The following ARHGEF28 variants were observed in gnomAD, a reference collection of about 807,000 sequenced individuals.
The protein encoded by ARHGEF28 is 190 kDa guanine nucleotide exchange factor.
Under a neutral mutation model 206.6 loss-of-function variants are expected in ARHGEF28, and 152 were observed. That is an observed-to-expected ratio of 0.74 (90% CI 0.64 to 0.84). The LOEUF is 0.84. Among genes scored for constraint, ARHGEF28 ranks in the 40% least tolerant of loss-of-function variants. The probability of loss-of-function intolerance (pLI) is 0.00; values close to 1 mark genes in which losing one functional copy is unlikely to be tolerated. For missense variants in ARHGEF28, 2,028 were observed against 2,073.2 expected, an observed-to-expected ratio of 0.98 and a Z score of 0.42; for synonymous variants, 763 against 776.4, an observed-to-expected ratio of 0.98 and a Z score of 0.29.
intron 2 of ARHGEF28, among the ~76,000 whole-genome samples, chr5:73,725,194 A>G (rs1440936484): frequency 6.6e-6 from 1 of 152,196 alleles, no homozygotes; most frequent in Non-Finnish European, 1.5e-5. Context: ...ATAACTTCTG[A>G]TAATACCTAA....
At chr5:73,626,785 A>T (rs556557496) in intron 1 of ARHGEF28, among the ~76,000 whole-genome samples, 1 of 152,242 alleles carries the variant, frequency 6.6e-6, no homozygotes, top group Admixed American at 6.5e-5. Context: ...ACGCAAGCTC[A>T]GGACACACGC....
chr5:73,868,605 G>A (rs1346140680), intron 20 of ARHGEF28, among the ~76,000 whole-genome samples: 1 of 152,108 alleles, frequency 6.6e-6, no homozygotes, highest in East Asian at 1.9e-4. Flanking sequence ...GGTCTTCTTT[G>A]GATCTCTGAG....
chr5:73,676,711 T>A (rs996321753), intron 1 of ARHGEF28, among the ~76,000 whole-genome samples: 1 of 152,246 alleles, frequency 6.6e-6, no homozygotes, highest in African/African-American at 2.4e-5. Flanking sequence ...TTAATGGGTC[T>A]CTGCCACATT....
At chr5:73,892,450 C>T (rs890771255) in intron 27 of ARHGEF28, among the ~76,000 whole-genome samples, 1 of 152,158 alleles carries the variant, frequency 6.6e-6, no homozygotes, top group Non-Finnish European at 1.5e-5. Context: ...CCCTGCCGGG[C>T]GTTGATGCAG....
chr5:73,926,536 A>G (rs1763820528), intron 35 of ARHGEF28, among the ~76,000 whole-genome samples: 1 of 152,058 alleles, frequency 6.6e-6, no homozygotes, highest in South Asian at 2.1e-4. Flanking sequence ...GTTTCAGCCA[A>G]ACTTGACAAC....
At chr5:73,716,742 G>A (rs1274237756) in intron 2 of ARHGEF28, among the ~76,000 whole-genome samples, 1 of 152,176 alleles carries the variant, frequency 6.6e-6, no homozygotes, top group Non-Finnish European at 1.5e-5. Flanking sequence ...CAATGATGAA[G>A]GCAATTTGAA....
intron 13 of ARHGEF28, among the ~76,000 whole-genome samples, chr5:73,849,825 T>G (rs894004775): frequency 1.3e-5 from 2 of 152,002 alleles, no homozygotes; most frequent in African/African-American, 4.8e-5. Context: ...TTTCTGTAAT[T>G]AATATGTAAT....
rs1191916144 is a variant in ARHGEF28 at position 73,773,951 on chromosome 5, C to T, written c.572C>T (p.Ala191Val). Residue 191 changes from alanine to valine, a missense_variant, in exon 5 of 36, where the codon GCC (alanine) becomes GTC (valine). By Grantham distance (64) the Ala-to-Val change is moderately conservative (BLOSUM62 0). Coordinates refer to ENST00000513042, the MANE Select transcript of ARHGEF28 (RefSeq NM_001177693.2). The part of the protein sequence containing the change: ...FFLCLPGGVQ[A>V]LALPNEEGAT... ...TTGTGTCTCCCGGGGGGAGTCCAGGCCTTGGCTTTACCCAACGAAGAGGGT... is the reference window on the plus strand; with the variant it reads ...TTGTGTCTCCCGGGGGGAGTCCAGGTCTTGGCTTTACCCAACGAAGAGGGT... 3 of 1,607,394 alleles carry T rather than the reference C, an allele frequency of 1.9e-6. No homozygotes were observed. Among genetic ancestry groups the T allele is most frequent in the South Asian group, 2.2e-5 (2 of 89,246 alleles).
At chr5:73,806,952 TA>T (rs1755542161) in intron 9 of ARHGEF28, among the ~76,000 whole-genome samples, 1 of 147,998 alleles carries the variant, frequency 6.8e-6, no homozygotes, top group Non-Finnish European at 1.5e-5. Context: ...ATATATACAA[TA>T]TTAAATCTAT....
chr5:73,790,677 T>A (rs1754427274), intron 7 of ARHGEF28, among the ~76,000 whole-genome samples: 1 of 109,678 alleles, frequency 9.1e-6, no homozygotes, highest in Admixed American at 8.6e-5. Context: ...AGTCCCACTT[T>A]TAGGAAAAAA....
intron 13 of ARHGEF28, among the ~76,000 whole-genome samples, chr5:73,851,000 A>G (rs1197316064): frequency 6.6e-6 from 1 of 152,186 alleles, no homozygotes. Flanking sequence ...GATTGATACC[A>G]TTTAGGTCAG....
chr5:73,922,004 A>G (rs1174461828), intron 35 of ARHGEF28, among the ~76,000 whole-genome samples: 1 of 152,230 alleles, frequency 6.6e-6, no homozygotes, highest in Non-Finnish European at 1.5e-5. Context: ...AAACAAAAAA[A>G]CAGGAATTGC....
At chr5:73,932,796 A>ATT (rs1764196192) in intron 35 of ARHGEF28, among the ~76,000 whole-genome samples, 8 of 59,728 alleles carry the variant, frequency 1.3e-4, no homozygotes, top group East Asian at 5.7e-4. Flanking sequence ...TTTATTTCCT[A>ATT]TTTCTTTTTT....
At chr5:73,695,623 G>A (rs958761405) in intron 2 of ARHGEF28, among the ~76,000 whole-genome samples, 1 of 152,130 alleles carries the variant, frequency 6.6e-6, no homozygotes, top group Non-Finnish European at 1.5e-5. Context: ...CACTCTCCCA[G>A]GTGTCCTGCT....
rs746171825 is a variant in ARHGEF28 at position 73,897,982 on chromosome 5, G to T, written c.3862G>T (p.Val1288Leu). 14 of 1,586,532 alleles carry T rather than the reference G, an allele frequency of 8.8e-6. No individual in the cohort carries two copies. Among genetic ancestry groups the T allele is most frequent in the Non-Finnish European group, 1.0e-5 (12 of 1,165,636 alleles). The change falls in exon 30 of 36, where the codon GTG becomes TTG. Residue 1288 changes from valine to leucine, a missense_variant. Physicochemically the swap from Val to Leu is conservative, Grantham distance 32. Transcript: ENST00000513042. ...CTTAGCTGAGAGCCTACAAGTTGCA[G>T]TGAAGGCCTCACAGATGGGCGCCGT... ...LKEAESLQVA[V>L]KASQMGAVSQ...
rs35722039 is a variant in ARHGEF28, at chr5:73,804,082, C to CAAAAAAAAAAAAAAAAAAAAAAAA, written c.1024+8693_1024+8716dup. Among the ~76,000 whole-genome samples, 2 of 64,314 alleles carry CAAAAAAAAAAAAAAAAAAAAAAAA rather than the reference C, an allele frequency of 3.1e-5. 1 individual carries two copies. The highest frequency in any genetic ancestry group is 1.4e-4 in the African/African-American group (2 of 14,456). 42.2% of individuals were successfully genotyped at this position (64,314 alleles called of 152,430 possible). ...CCTGGATGACAGAGTGAGACCCTGT[C>CAAAAAAAAAAAAAAAAAAAAAAAA]AAAAAAAAAAAAAAAAAAAAAAAAA... is the stretch of plus-strand genomic sequence containing the variant. On this transcript the variant is annotated intron_variant, in intron 9 of 35. Coordinates refer to ENST00000513042, the MANE Select transcript of ARHGEF28 (RefSeq NM_001177693.2).
chr5:73,876,455 A>G (rs1391868746), intron 22 of ARHGEF28, among the ~76,000 whole-genome samples: 1 of 132,094 alleles, frequency 7.6e-6, no homozygotes, highest in Non-Finnish European at 1.6e-5. Flanking sequence ...TTCCAACACT[A>G]TGTTGAATAG....
chr5:73,697,242 A>G (rs1256760985), intron 2 of ARHGEF28, among the ~76,000 whole-genome samples: 1 of 152,246 alleles, frequency 6.6e-6, no homozygotes, highest in Non-Finnish European at 1.5e-5. Flanking sequence ...AGAAAAGATT[A>G]TCTGTGAACG....
intron 9 of ARHGEF28, among the ~76,000 whole-genome samples, chr5:73,806,421 TAC>T (rs1491554661): frequency 7.8e-6 from 1 of 128,866 alleles, no homozygotes; most frequent in Non-Finnish European, 1.6e-5. Flanking sequence ...TATAGATATA[TAC>T]TATATATAGT....
Sources: allele counts gnomAD v4.1 joint callset (sites outside exome capture counted in the v4.1 genomes callset), GRCh38; gene constraint gnomAD v4.1.1; transcripts MANE v1.5; gene names NCBI Gene and HGNC (gene_info 2026-07-23, HGNC 2026-07-21).